IL1RL2: variants seen among roughly 807,000 people sequenced by gnomAD.
IL1RL2 encodes interleukin 1 receptor like 2, also known as interleukin-1 receptor-like 2.
IL1RL2 carries 68 observed loss-of-function variants against 66.8 expected under a neutral mutation model. The observed-to-expected ratio is 1.02, with a 90% CI of 0.84 to 1.25. The LOEUF is 1.25. Ranked by LOEUF, IL1RL2 falls within the 50% of genes most tolerant of loss-of-function variation. IL1RL2 has a pLI of 0.00. For missense variants in IL1RL2, 729 were observed against 709.3 expected (o/e 1.03, Z -0.32); for synonymous variants, 305 against 264.6 (o/e 1.15, Z -1.48).
chr2:102,195,557 TTCTCTTTCTTTC>T (rs1329012661), intron 4 of IL1RL2, among the ~76,000 whole-genome samples: 9,181 of 113,868 alleles, frequency 0.081, 1,378 homozygotes, highest in South Asian at 0.095. Flanking sequence ...ATTTCTTTCT[TTCTCTTTCTTTC>T]TTTCTTTCTT....
At chr2:102,227,533 T>G (rs1265639071) in intron 9 of IL1RL2, among the ~76,000 whole-genome samples, 1 of 152,136 alleles carries the variant, frequency 6.6e-6, no homozygotes, top group African/African-American at 2.4e-5. Flanking sequence ...CAACCTGAAG[T>G]GCTGCTAGTA....
chr2:102,205,526 T>A (rs529533158), intron 5 of IL1RL2, among the ~76,000 whole-genome samples: 1 of 152,292 alleles, frequency 6.6e-6, no homozygotes, highest in East Asian at 1.9e-4. Context: ...GGATATGCTA[T>A]TCTAGGGTAA....
chr2:102,192,165 A>G, intron 4 of IL1RL2, 45 bp downstream of exon 4: 4 of 1,334,162 alleles, frequency 3.0e-6, no homozygotes, highest in Non-Finnish European at 4.1e-6. Flanking sequence ...CTTTTCTTTA[A>G]AACCCACTGT....
chr2:102,187,215 G>GC (rs1686757634), intron 1 of IL1RL2, 129 bp downstream of exon 1: 92 of 1,209,554 alleles, frequency 7.6e-5, no homozygotes, highest in Non-Finnish European at 9.8e-5. Flanking sequence ...CCCCAGGCCG[G>GC]CCCCCGACCG....
chr2:102,213,980 A>G (rs1018155709), intron 6 of IL1RL2, among the ~76,000 whole-genome samples: 1 of 152,220 alleles, frequency 6.6e-6, no homozygotes, highest in Admixed American at 6.5e-5. Context: ...ACAAATGGTA[A>G]GAGATAAAAT....
At position 102,226,039 on chromosome 2, in the gene IL1RL2, T is replaced by C; in HGVS notation, c.1133T>C (p.Val378Ala). 1 of 1,584,314 alleles carries C rather than the reference T, an allele frequency of 6.3e-7. No individual in the cohort carries two copies. The highest frequency in any genetic ancestry group is 1.2e-5 in the South Asian group (1 of 85,926). ...RSAFHSTETI[V>A]DGKLYDAYVL... ...GCCTTCCATTCTACAGAGACCATAGTAGGTAAGTGTGTGTAATCACTGAAA... is the reference window on the plus strand; with the variant it reads ...GCCTTCCATTCTACAGAGACCATAGCAGGTAAGTGTGTGTAATCACTGAAA... Residue 378 changes from valine to alanine, a missense_variant and splice_region_variant, in exon 9 of 12, where the codon GTA becomes GCA. By Grantham distance (64) the Val-to-Ala change is moderately conservative. Transcript: ENST00000264257.
Position 102,225,995 on chromosome 2 carries a change from T to C in IL1RL2, c.1089T>C (p.Ile363=), listed in dbSNP as rs761695689. Residue 363 remains isoleucine (I), a synonymous_variant, in exon 9 of 12, where the codon ATT becomes ATC. Coordinates refer to ENST00000264257, the MANE Select transcript of IL1RL2 (RefSeq NM_003854.4). ...TATACAACATTTTTAAGATCGACAT[T>C]GTTCTTTGGTATCGAAGTGCCTTCC... The part of the protein sequence containing the change: ...VYIYNIFKID[I]VLWYRSAFHS... 2 of 1,607,372 alleles carry C rather than the reference T, an allele frequency of 1.2e-6. No individual in the cohort carries two copies. Among genetic ancestry groups the C allele is most frequent in the Admixed American group, 1.7e-5 (1 of 59,184 alleles).
At chr2:102,222,243 A>G (rs1690206248) in intron 8 of IL1RL2, among the ~76,000 whole-genome samples, 1 of 152,172 alleles carries the variant, frequency 6.6e-6, no homozygotes, top group Non-Finnish European at 1.5e-5. Flanking sequence ...ATCCTAGTCC[A>G]TTGAATAACT....
At chr2:102,203,852 A>G in intron 5 of IL1RL2, among the ~76,000 whole-genome samples, 1 of 151,872 alleles carries the variant, frequency 6.6e-6, no homozygotes, top group Non-Finnish European at 1.5e-5. Flanking sequence ...TTCCCTTTTT[A>G]AAGAACCAAC....
intron 1 of IL1RL2, among the ~76,000 whole-genome samples, chr2:102,187,589 AC>A (rs1559521904): frequency 6.6e-6 from 1 of 151,964 alleles, no homozygotes; most frequent in Admixed American, 6.5e-5. Flanking sequence ...CGCGGTCCCC[AC>A]CGCCGCCGCC....
At chr2:102,204,071 A>G (rs1688495673) in intron 5 of IL1RL2, among the ~76,000 whole-genome samples, 1 of 151,898 alleles carries the variant, frequency 6.6e-6, no homozygotes, top group Non-Finnish European at 1.5e-5. Context: ...CATATGTTTT[A>G]GTATGTTGTG....
intron 5 of IL1RL2, among the ~76,000 whole-genome samples, chr2:102,206,712 C>A (rs1486425552): frequency 1.3e-5 from 2 of 152,192 alleles, no homozygotes; most frequent in Admixed American, 1.3e-4. Context: ...TTGCCCAAGG[C>A]CTGCTTTACC....
Position 102,191,943 on chromosome 2 carries a change from T to C in IL1RL2, c.312T>C (p.His104=), listed in dbSNP as rs751264204. 2 of 1,610,912 alleles carry C rather than the reference T, an allele frequency of 1.2e-6. No individual in the cohort carries two copies. Among genetic ancestry groups the C allele is most frequent in the South Asian group, 1.1e-5 (1 of 90,404 alleles). ...QCVIKGRDSC[H]RIHVNLTVFE... ...CTTACAGGGGTAGAGACAGCTGTCA[T>C]AGAATACATGTAAACCTAACTGTTT... is the stretch of plus-strand genomic sequence containing the variant. The change falls in exon 4 of 12, where the codon CAT becomes CAC. Residue 104 remains histidine, a synonymous_variant. Coordinates refer to ENST00000264257, the MANE Select transcript of IL1RL2 (RefSeq NM_003854.4).
At chr2:102,232,468 C>T (rs1397209048) in intron 9 of IL1RL2, among the ~76,000 whole-genome samples, 2 of 152,294 alleles carry the variant, frequency 1.3e-5, no homozygotes, top group Admixed American at 6.5e-5. Context: ...GGATTTCAGG[C>T]CTGAGCTATC....
At chr2:102,190,625 G>A (rs766357445) in intron 3 of IL1RL2, among the ~76,000 whole-genome samples, 2 of 152,216 alleles carry the variant, frequency 1.3e-5, no homozygotes, top group Non-Finnish European at 2.9e-5. Flanking sequence ...GGAAGTGGTC[G>A]TTAGCTCTGC....
chr2:102,226,077 T>C, intron 9 of IL1RL2, 36 bp downstream of exon 9: 1 of 1,524,860 alleles, frequency 6.6e-7, no homozygotes, highest in Non-Finnish European at 8.8e-7. Context: ...TGCCTCAAAA[T>C]TGGTATCCTC....
Position 102,225,892 on chromosome 2 carries a change from T to G in IL1RL2, c.992-6T>G, listed in dbSNP as rs1237583023. On this transcript the variant is annotated splice_region_variant and splice_polypyrimidine_tract_variant and intron_variant, in intron 8 of 11. Transcript: ENST00000264257. The stretch of plus-strand genomic sequence containing the variant: ...ATTATTATTATTTTTTTGCTGTCAT[T>G]TGTAGCTCCGGATTTTCGAGCTTAC... 1 of 1,563,706 alleles carries G rather than the reference T, an allele frequency of 6.4e-7. No individual in the cohort carries two copies. The highest frequency in any genetic ancestry group is 8.6e-7 in the Non-Finnish European group (1 of 1,157,000).
chr2:102,189,629 A>C (rs971740084), intron 3 of IL1RL2, among the ~76,000 whole-genome samples: 4 of 149,604 alleles, frequency 2.7e-5, no homozygotes, highest in Admixed American at 6.6e-5. Flanking sequence ...TTTCTTTTTT[A>C]TTTTTTGAGA....
At chr2:102,222,037 C>T (rs968855312) in intron 8 of IL1RL2, among the ~76,000 whole-genome samples, 11 of 152,270 alleles carry the variant, frequency 7.2e-5, no homozygotes, top group Admixed American at 4.6e-4. Flanking sequence ...TGATAATCAT[C>T]CCCCCAACTT....
Sources: allele counts gnomAD v4.1 joint callset (sites outside exome capture counted in the v4.1 genomes callset), GRCh38; gene constraint gnomAD v4.1.1; transcripts MANE v1.5; gene names NCBI Gene and HGNC (gene_info 2026-07-23, HGNC 2026-07-21).